INSYN2B: variants seen among roughly 807,000 people sequenced by gnomAD.
INSYN2B encodes the protein inhibitory synaptic factor family member 2B, also known as protein INSYN2B.
Under a neutral mutation model 41.2 loss-of-function variants are expected in INSYN2B, and 16 were observed. That is an observed-to-expected ratio of 0.39 (90% CI 0.26 to 0.59). INSYN2B has a LOEUF of 0.59. Ranked by LOEUF, INSYN2B falls within the 20% of genes least tolerant of loss-of-function variation. The probability of loss-of-function intolerance (pLI) is 0.57; values close to 1 mark genes in which losing one functional copy is unlikely to be tolerated. For synonymous variants in INSYN2B, 245 were observed against 244.4 expected (o/e 1.00, Z -0.02); for missense variants, 608 against 646.4 (o/e 0.94, Z 0.64).
At chr5:169,885,956 C>G (rs1305170908) in intron 1 of INSYN2B, among the ~76,000 whole-genome samples, 1 of 152,110 alleles carries the variant, frequency 6.6e-6, no homozygotes, top group Non-Finnish European at 1.5e-5. Flanking sequence ...AGTAGAGGAG[C>G]TAGAATTTGA....
intron 1 of INSYN2B, among the ~76,000 whole-genome samples, chr5:169,915,811 G>C (rs2113634801): frequency 6.6e-6 from 1 of 152,276 alleles, no homozygotes; most frequent in African/African-American, 2.4e-5. Context: ...CCAAAACTGA[G>C]CTGGTACATA....
chr5:169,893,989 C>A (rs760175898), intron 1 of INSYN2B, among the ~76,000 whole-genome samples: 2 of 152,140 alleles, frequency 1.3e-5, no homozygotes, highest in African/African-American at 2.4e-5. Flanking sequence ...AAAGTCTTTC[C>A]ATTCTGAAGG....
chr5:169,938,196 C>T (rs1776077728), intron 1 of INSYN2B, among the ~76,000 whole-genome samples: 1 of 152,064 alleles, frequency 6.6e-6, no homozygotes, highest in South Asian at 2.1e-4. Flanking sequence ...ACAGCTGCCA[C>T]CTTAAAGAAA....
At chr5:169,896,584 C>T (rs1015476462) in intron 1 of INSYN2B, among the ~76,000 whole-genome samples, 6 of 152,154 alleles carry the variant, frequency 3.9e-5, no homozygotes, top group Non-Finnish European at 5.9e-5. Flanking sequence ...TTCAGAAAAG[C>T]GCCTGTCAGG....
chr5:169,898,031 G>A (rs1773712178), intron 1 of INSYN2B, among the ~76,000 whole-genome samples: 3 of 152,186 alleles, frequency 2.0e-5, no homozygotes, highest in Admixed American at 6.5e-5. Context: ...AAATAATTCG[G>A]CTGAGCAATT....
chr5:169,887,856 A>T (rs979985179), intron 1 of INSYN2B, among the ~76,000 whole-genome samples: 1 of 152,208 alleles, frequency 6.6e-6, no homozygotes, highest in Non-Finnish European at 1.5e-5. Context: ...CCATTACTGC[A>T]TGAGAAGGTC....
At chr5:169,880,617 C>G (rs776195655) in intron 3 of INSYN2B, among the ~76,000 whole-genome samples, 4 of 152,210 alleles carry the variant, frequency 2.6e-5, no homozygotes, top group Non-Finnish European at 4.4e-5. Context: ...TAAACCCTTG[C>G]ATTTGTTCAG....
rs192097925 is a variant in INSYN2B at position 169,919,256 on chromosome 5, T to C, written c.-918-34440A>G. 2.6e-5 allele frequency among the ~76,000 whole-genome samples: 4 copies of C among 152,304 alleles called. No homozygotes were observed. In the East Asian group the frequency reaches 5.8e-4, roughly 22 times the overall value. ...GTTTTCCAGGGTCACACCATCGATA[T>C]GGGGCAGAGGTGGGGCCCAAATGAG... On this transcript the variant is annotated intron_variant, in intron 1 of 3. Coordinates refer to ENST00000377365, the MANE Select transcript of INSYN2B (RefSeq NM_001129891.3).
At chr5:169,874,447 G>T (rs1157917308) in intron 3 of INSYN2B, among the ~76,000 whole-genome samples, 1 of 149,100 alleles carries the variant, frequency 6.7e-6, no homozygotes, top group African/African-American at 2.5e-5. Flanking sequence ...TTGGTGGTCT[G>T]TGGAGTTTGA....
At position 169,883,181 on chromosome 5, in the gene INSYN2B, G is replaced by C. The variant is rs761122238; in HGVS notation, c.718C>G (p.Arg240Gly). Residue 240 changes from arginine (R) to glycine (G), a missense_variant, in exon 2 of 4, where the codon CGT becomes GGT. By Grantham distance (125) the Arg-to-Gly change is moderately radical (BLOSUM62 -2). Coordinates refer to ENST00000377365, the MANE Select transcript of INSYN2B (RefSeq NM_001129891.3). Reference sequence around the variant, plus strand: ...GTCACCCTTCTCCCATCACCTGGACGTGTGTCATCCAAAGGGTGTATGGAG... The same window carrying C: ...GTCACCCTTCTCCCATCACCTGGACCTGTGTCATCCAAAGGGTGTATGGAG... ...SNSIHPLDDT[R>G]PGDGRRVTPL... The C allele has an allele frequency of 6.4e-7, 1 of 1,551,602 alleles. No homozygotes were observed. The highest frequency in any genetic ancestry group is 2.4e-5 in the East Asian group (1 of 40,926).
intron 1 of INSYN2B, among the ~76,000 whole-genome samples, chr5:169,887,371 G>A (rs1237263814): frequency 2.0e-5 from 3 of 152,074 alleles, no homozygotes; most frequent in African/African-American, 7.2e-5. Flanking sequence ...ACAAAAGGAA[G>A]AAAAAAATCA....
chr5:169,966,665 C>A (rs1261184858), intron 1 of INSYN2B, among the ~76,000 whole-genome samples: 4 of 152,146 alleles, frequency 2.6e-5, no homozygotes, highest in Non-Finnish European at 5.9e-5. Context: ...GCAATCCTGG[C>A]ACACAGGGAC....
intron 1 of INSYN2B, among the ~76,000 whole-genome samples, chr5:169,920,402 T>G (rs1775110808): frequency 6.6e-6 from 1 of 152,242 alleles, no homozygotes; most frequent in Admixed American, 6.5e-5. Flanking sequence ...TTCTGAGAGT[T>G]GTTGATAGTA....
rs1383797746 is a variant in INSYN2B, at chr5:169,882,599, A to G, written c.1300T>C (p.Leu434=). The G allele has an allele frequency of 6.4e-7, 1 of 1,551,578 alleles. No individual in the cohort carries two copies. Among genetic ancestry groups the G allele is most frequent in the Non-Finnish European group, 8.7e-7 (1 of 1,146,814 alleles). ...HSNQEKIKVL[L]NVIQDLEKAR... is the part of the protein sequence containing the mutation. ...TTCTCCAAGTCTTGAATTACATTCA[A>G]AAGGACTTTAATTTTCTCTTGGTTC... The change falls in exon 2 of 4, where the codon TTG becomes CTG. Residue 434 remains leucine, a synonymous_variant. Transcript: ENST00000377365.
intron 1 of INSYN2B, among the ~76,000 whole-genome samples, chr5:169,930,236 T>C (rs259891): frequency 0.53 from 81,158 of 151,988 alleles, 21,820 homozygotes; most frequent in African/African-American, 0.64. Context: ...GTGATCCGCC[T>C]GCCTCGGCCT....
chr5:169,935,628 G>A (rs1775954481), intron 1 of INSYN2B, among the ~76,000 whole-genome samples: 1 of 152,118 alleles, frequency 6.6e-6, no homozygotes, highest in South Asian at 2.1e-4. Flanking sequence ...GTGAAATGAA[G>A]GTCTTCATAG....
intron 1 of INSYN2B, among the ~76,000 whole-genome samples, chr5:169,960,679 G>A (rs1467625448): frequency 6.6e-6 from 1 of 152,144 alleles, no homozygotes; most frequent in Admixed American, 6.5e-5. Context: ...TCTCTATATT[G>A]TTGTCCCCTC....
At chr5:169,968,377 CT>C (rs1240653647) in intron 1 of INSYN2B, among the ~76,000 whole-genome samples, 2 of 152,120 alleles carry the variant, frequency 1.3e-5, no homozygotes, top group Non-Finnish European at 1.5e-5. Flanking sequence ...TTACTGAGTG[CT>C]TTCTATGTGT....
chr5:169,874,224 C>T (rs2113470534), intron 3 of INSYN2B, among the ~76,000 whole-genome samples: 1 of 152,022 alleles, frequency 6.6e-6, no homozygotes, highest in Admixed American at 6.5e-5. Flanking sequence ...ACCAGCCTGG[C>T]CAACATGGTG....
Sources: allele counts gnomAD v4.1 joint callset (sites outside exome capture counted in the v4.1 genomes callset), GRCh38; gene constraint gnomAD v4.1.1; transcripts MANE v1.5; gene names NCBI Gene and HGNC (gene_info 2026-07-23, HGNC 2026-07-21).